CNTNAP2: variants seen among roughly 807,000 people sequenced by gnomAD.
The protein encoded by CNTNAP2 is contactin-associated protein-like 2.
A neutral mutation model predicts 155.2 loss-of-function variants in CNTNAP2; 98 were observed. The observed-to-expected ratio is 0.63, with a 90% CI of 0.54 to 0.75. The LOEUF is 0.75. Among genes scored for constraint, CNTNAP2 ranks in the 30% least tolerant of loss-of-function variants. The pLI is 0.00. For missense variants in CNTNAP2, 1,727 were observed against 1,688.1 expected (o/e 1.02, Z -0.40); for synonymous variants, 651 against 631.2 (o/e 1.03, Z -0.47).
intron 16 of CNTNAP2, among the ~76,000 whole-genome samples, chr7:148,131,837 C>T (rs1170223991): frequency 6.6e-6 from 1 of 150,912 alleles, no homozygotes; most frequent in African/African-American, 2.4e-5. Context: ...CCAATTAATT[C>T]AAAGCTGGCT....
intron 1 of CNTNAP2, among the ~76,000 whole-genome samples, chr7:146,139,390 G>T (rs1055968599): frequency 3.0e-4 from 45 of 152,050 alleles, no homozygotes; most frequent in African/African-American, 9.4e-4. Flanking sequence ...ACCACAAAAT[G>T]GCTTAAGAGT....
At chr7:148,200,339 A>C (rs539040643) in intron 18 of CNTNAP2, among the ~76,000 whole-genome samples, 1 of 152,268 alleles carries the variant, frequency 6.6e-6, no homozygotes, top group South Asian at 2.1e-4. Context: ...TACTTTTTAA[A>C]TGTGGCTACA....
At chr7:146,354,425 T>TTG (rs1563052157) in intron 1 of CNTNAP2, among the ~76,000 whole-genome samples, 10 of 151,202 alleles carry the variant, frequency 6.6e-5, no homozygotes, top group African/African-American at 2.2e-4. Flanking sequence ...TTTTTTTTTT[T>TTG]TTTGTTTGAG....
intron 4 of CNTNAP2, among the ~76,000 whole-genome samples, chr7:147,090,121 A>G (rs1404361975): frequency 6.6e-6 from 1 of 152,180 alleles, no homozygotes; most frequent in Non-Finnish European, 1.5e-5. Flanking sequence ...AAGACGCCCA[A>G]TTTGTCCTAA....
At chr7:147,259,091 G>T in intron 8 of CNTNAP2, among the ~76,000 whole-genome samples, 1 of 152,040 alleles carries the variant, frequency 6.6e-6, no homozygotes, top group South Asian at 2.1e-4. Flanking sequence ...TCCAGTGTGC[G>T]TTATGGGTTG....
At chr7:147,142,805 C>A (rs368359399) in intron 8 of CNTNAP2, among the ~76,000 whole-genome samples, 1 of 152,108 alleles carries the variant, frequency 6.6e-6, no homozygotes, top group Non-Finnish European at 1.5e-5. Flanking sequence ...CAAGAACATG[C>A]ACAAACTATG....
chr7:147,192,800 T>C (rs1212519541), intron 8 of CNTNAP2, among the ~76,000 whole-genome samples: 1 of 152,204 alleles, frequency 6.6e-6, no homozygotes, highest in Non-Finnish European at 1.5e-5. Flanking sequence ...GGATTGATTT[T>C]TGTGCTGCCA....
intron 1 of CNTNAP2, among the ~76,000 whole-genome samples, chr7:146,204,393 T>C: frequency 6.6e-6 from 1 of 152,282 alleles, no homozygotes; most frequent in Middle Eastern, 3.4e-3. Flanking sequence ...AGGTATACCT[T>C]TTTTTATTAG....
At chr7:147,134,203 G>C (rs1189211990) in intron 8 of CNTNAP2, among the ~76,000 whole-genome samples, 1 of 151,906 alleles carries the variant, frequency 6.6e-6, no homozygotes, top group Non-Finnish European at 1.5e-5. Flanking sequence ...ATTAACCCTA[G>C]TGGTCAATAA....
chr7:146,804,695 A>T (rs1802936985), intron 2 of CNTNAP2, among the ~76,000 whole-genome samples: 1 of 152,200 alleles, frequency 6.6e-6, no homozygotes, highest in African/African-American at 2.4e-5. Flanking sequence ...GAAGAGCCCT[A>T]TAAACACCAC....
intron 10 of CNTNAP2, among the ~76,000 whole-genome samples, chr7:147,479,973 T>C (rs1798393095): frequency 3.9e-5 from 6 of 152,092 alleles, no homozygotes; most frequent in Admixed American, 3.3e-4. Flanking sequence ...ATAAAATAAA[T>C]AGAAGACACT....
chr7:148,216,571 G>A (rs1795641913), intron 18 of CNTNAP2, among the ~76,000 whole-genome samples: 1 of 152,110 alleles, frequency 6.6e-6, no homozygotes, highest in Admixed American at 6.6e-5. Flanking sequence ...ATTTATTTTT[G>A]GCATATCTCT....
At chr7:146,217,732 G>T (rs1799136455) in intron 1 of CNTNAP2, among the ~76,000 whole-genome samples, 1 of 152,170 alleles carries the variant, frequency 6.6e-6, no homozygotes, top group Non-Finnish European at 1.5e-5. Flanking sequence ...GGGGGATTGA[G>T]ACTGACCTGG....
intron 12 of CNTNAP2, among the ~76,000 whole-genome samples, chr7:147,632,920 A>T (rs1333237354): frequency 6.6e-6 from 1 of 152,212 alleles, no homozygotes; most frequent in Non-Finnish European, 1.5e-5. Context: ...ATGCAAAGAG[A>T]CTGGTGGCAT....
intron 3 of CNTNAP2, among the ~76,000 whole-genome samples, chr7:146,931,769 C>T (rs934539499): frequency 6.7e-5 from 10 of 150,240 alleles, no homozygotes; most frequent in African/African-American, 2.4e-4. Flanking sequence ...CCACCGATCC[C>T]ACAGAAATAC....
intron 10 of CNTNAP2, among the ~76,000 whole-genome samples, chr7:147,418,537 C>G (rs1797238244): frequency 1.3e-5 from 2 of 152,110 alleles, no homozygotes; most frequent in Admixed American, 6.5e-5. Context: ...TTCCTGCACC[C>G]TAATGTAAAA....
rs773399465 is a variant in CNTNAP2 at position 148,229,702 on chromosome 7, G to C, written c.3304G>C (p.Val1102Leu). The C allele has an allele frequency of 1.2e-6, 2 of 1,614,054 alleles. No homozygotes were observed. Among genetic ancestry groups the C allele is most frequent in the Non-Finnish European group, 8.5e-7 (1 of 1,180,006 alleles). ...CACCCGAGAGCCATACAATATTGAC[G>C]TAGACCACAGGAACATGGCCAATGG... ...GGTREPYNID[V>L]DHRNMANGQP... The change falls in exon 20 of 24, where the codon GTA (valine) becomes CTA (leucine). Residue 1102 changes from valine to leucine, a missense_variant. Val to Leu is a conservative substitution (Grantham distance 32). Transcript: ENST00000361727.
chr7:147,127,779 TA>T (rs1015162919), intron 6 of CNTNAP2, among the ~76,000 whole-genome samples: 1 of 151,710 alleles, frequency 6.6e-6, no homozygotes, highest in Non-Finnish European at 1.5e-5. Flanking sequence ...AAGCTGATAG[TA>T]AAAAAAATAG....
intron 1 of CNTNAP2, among the ~76,000 whole-genome samples, chr7:146,564,614 ATTAT>A (rs890167122): frequency 1.3e-5 from 2 of 149,240 alleles, no homozygotes; most frequent in Non-Finnish European, 3.0e-5. Context: ...AATGTAGCAT[ATTAT>A]TTAAAAATTA....
Sources: gnomAD v4.1 joint callset for allele counts (sites outside exome capture counted in the v4.1 genomes callset) on GRCh38, gnomAD v4.1.1 for gene constraint, MANE v1.5 for transcripts, NCBI Gene and HGNC (gene_info 2026-07-23, HGNC 2026-07-21) for gene names.